ATP2B2: variants seen among roughly 807,000 people sequenced by gnomAD.
ATP2B2 encodes plasma membrane calcium-transporting ATPase 2.
A neutral mutation model predicts 120.0 loss-of-function variants in ATP2B2; 15 were observed. The observed-to-expected ratio is 0.12, with a 90% CI of 0.08 to 0.19. ATP2B2 has a LOEUF of 0.19. Ranked by LOEUF, ATP2B2 falls within the 10% of genes least tolerant of loss-of-function variation. ATP2B2 has a pLI of 1.00. For missense variants in ATP2B2, 1,045 were observed against 1,719.8 expected, an observed-to-expected ratio of 0.61 and a Z score of 6.94; for synonymous variants, 694 against 700.3, an observed-to-expected ratio of 0.99 and a Z score of 0.14.
chr3:10,485,119 A>G (rs12495901), intron 1 of ATP2B2, among the ~76,000 whole-genome samples: 19,020 of 152,192 alleles, frequency 0.12, 1,362 homozygotes, highest in East Asian at 0.25. Context: ...GCAGGGGACA[A>G]GAGGTGAGGG....
chr3:10,658,656 T>C (rs1375823211), intron 1 of ATP2B2, among the ~76,000 whole-genome samples: 2 of 152,082 alleles, frequency 1.3e-5, no homozygotes, highest in Non-Finnish European at 2.9e-5. Context: ...TGGAACCAAG[T>C]TGGAAAACAC....
At chr3:10,582,565 A>G (rs2068415956) in intron 2 of ATP2B2, among the ~76,000 whole-genome samples, 1 of 152,224 alleles carries the variant, frequency 6.6e-6, no homozygotes, top group African/African-American at 2.4e-5. Context: ...AGAATCCTGC[A>G]CGTGTGGTTG....
intron 1 of ATP2B2, among the ~76,000 whole-genome samples, chr3:10,666,250 G>C (rs1042364399): frequency 6.6e-6 from 1 of 152,282 alleles, no homozygotes; most frequent in Admixed American, 6.5e-5. Flanking sequence ...TAAAAGCAGA[G>C]ACTTGGCCAC....
At chr3:10,564,054 G>C (rs2067957904) in intron 2 of ATP2B2, among the ~76,000 whole-genome samples, 2 of 152,164 alleles carry the variant, frequency 1.3e-5, no homozygotes, top group African/African-American at 4.8e-5. Context: ...CTTACCCCAA[G>C]CCCTGGTGAG....
At chr3:10,528,040 T>C (rs1424063912) in intron 3 of ATP2B2, among the ~76,000 whole-genome samples, 1 of 152,092 alleles carries the variant, frequency 6.6e-6, no homozygotes, top group Non-Finnish European at 1.5e-5. Context: ...GGCAAAACAG[T>C]GGTCTCTGTC....
chr3:10,671,468 C>G (rs1358168055), intron 1 of ATP2B2, among the ~76,000 whole-genome samples: 3 of 152,144 alleles, frequency 2.0e-5, no homozygotes, highest in Admixed American at 2.0e-4. Flanking sequence ...GGCCCAGTTT[C>G]AGCCCCGAAA....
intron 2 of ATP2B2, among the ~76,000 whole-genome samples, chr3:10,561,784 G>A (rs533786991): frequency 2.6e-5 from 4 of 152,152 alleles, no homozygotes; most frequent in African/African-American, 7.2e-5. Context: ...TTTGCCTTCC[G>A]CCATGATTGT....
chr3:10,383,481 T>A (rs2061588136), intron 8 of ATP2B2, among the ~76,000 whole-genome samples: 1 of 152,216 alleles, frequency 6.6e-6, no homozygotes, highest in African/African-American at 2.4e-5. Context: ...TTTCTTGGGG[T>A]AAAGCCCTCT....
At chr3:10,394,582 C>G in intron 5 of ATP2B2, 1 of 456,558 alleles carries the variant, frequency 2.2e-6, no homozygotes, top group Non-Finnish European at 4.7e-6. Context: ...CAGACTGGGC[C>G]TTCTGCAGTC....
intron 16 of ATP2B2, among the ~76,000 whole-genome samples, chr3:10,349,715 A>G (rs575459463): frequency 6.6e-6 from 1 of 152,172 alleles, no homozygotes; most frequent in African/African-American, 2.4e-5. Context: ...AGTATCAGAC[A>G]ACAAGCAGCA....
At chr3:10,487,648 A>T (rs999307691) in intron 1 of ATP2B2, among the ~76,000 whole-genome samples, 6 of 152,232 alleles carry the variant, frequency 3.9e-5, no homozygotes, top group African/African-American at 1.4e-4. Context: ...TAAGTACTCA[A>T]TGAAAACTTG....
Position 10,453,299 on chromosome 3 carries a change from G to A in ATP2B2, c.-319-3437C>T, listed in dbSNP as rs534038068. On this transcript the variant is annotated intron_variant, in intron 1 of 22. Coordinates refer to ENST00000360273, the MANE Select transcript of ATP2B2 (RefSeq NM_001001331.4). ...TTATGAGGCTTAAATGAGTTATTTC[G>A]TTTAAAATACTTAGAACCAAGCCCA... Among the ~76,000 whole-genome samples, 23 of 152,288 alleles carry A rather than the reference G, an allele frequency of 1.5e-4. 1 individual carries two copies. The South Asian group carries it at 2.3e-3, about 15-fold the overall frequency.
intron 1 of ATP2B2, among the ~76,000 whole-genome samples, chr3:10,633,942 T>C (rs949178811): frequency 1.3e-4 from 20 of 152,206 alleles, no homozygotes; most frequent in African/African-American, 4.3e-4. Context: ...TGACCCATTT[T>C]AGCCATTAAG....
At chr3:10,627,156 CCA>C (rs2069726779) in intron 1 of ATP2B2, among the ~76,000 whole-genome samples, 1 of 152,222 alleles carries the variant, frequency 6.6e-6, no homozygotes, top group South Asian at 2.1e-4. Context: ...TCCCCATGCC[CCA>C]CAGTGTGGAT....
intron 3 of ATP2B2, among the ~76,000 whole-genome samples, chr3:10,519,232 C>G (rs1374202578): frequency 6.6e-6 from 1 of 152,200 alleles, no homozygotes; most frequent in African/African-American, 2.4e-5. Flanking sequence ...ACAGAGTGGT[C>G]CTCAGCCATA....
At chr3:10,460,986 G>T (rs2064464598) in intron 1 of ATP2B2, among the ~76,000 whole-genome samples, 1 of 152,160 alleles carries the variant, frequency 6.6e-6, no homozygotes, top group Non-Finnish European at 1.5e-5. Context: ...TGAGTCCTTT[G>T]GGGTCCAGAT....
At chr3:10,575,734 GC>G (rs1365761842) in intron 2 of ATP2B2, among the ~76,000 whole-genome samples, 5 of 152,180 alleles carry the variant, frequency 3.3e-5, no homozygotes, top group Admixed American at 2.6e-4. Context: ...CTGGCTGGCA[GC>G]CCTCTGTTGT....
At chr3:10,380,166 T>G (rs1361958874) in intron 8 of ATP2B2, among the ~76,000 whole-genome samples, 1 of 152,180 alleles carries the variant, frequency 6.6e-6, no homozygotes, top group Non-Finnish European at 1.5e-5. Flanking sequence ...CCCCACCGAC[T>G]CATCAGAGCT....
In ATP2B2 at chr3:10,338,256, C is replaced by G; in HGVS notation, c.3340G>C (p.Glu1114Gln). Reference protein sequence around the residue: ...IPEEELNEDVEEIDHAERELR... With the variant: ...IPEEELNEDVQEIDHAERELR... ...TCCCGCTCCGCGTGGTCGATCTCCT[C>G]CACGTCCTCGTTGAGCTCCTCCTCC... Residue 1114 changes from glutamate (E) to glutamine (Q), a missense_variant, in exon 22 of 23, where the codon GAG (glutamate) becomes CAG (glutamine). Physicochemically the swap from Glu to Gln is conservative, Grantham distance 29 (BLOSUM62 2). This residue lies in a region of ATP2B2 where 211 missense variants were observed against 385.1 expected (regional missense o/e 0.55). Transcript: ENST00000360273. 1 of 1,614,150 alleles carries G rather than the reference C, an allele frequency of 6.2e-7. No homozygotes were observed. Among genetic ancestry groups the G allele is most frequent in the Non-Finnish European group, 8.5e-7 (1 of 1,179,974 alleles).
Sources: allele counts gnomAD v4.1 joint callset (sites outside exome capture counted in the v4.1 genomes callset), GRCh38; gene constraint gnomAD v4.1.1; regional missense constraint gnomAD v4.1.1; transcripts MANE v1.5; gene names NCBI Gene and HGNC (gene_info 2026-07-23, HGNC 2026-07-21).